The following ELP4 variants were observed in gnomAD, a reference collection of about 807,000 sequenced individuals.
ELP4 encodes the protein elongator acetyltransferase complex subunit 4.
ELP4 carries 51 observed loss-of-function variants against 48.9 expected under a neutral mutation model. The ratio of observed to expected loss-of-function variants is 1.04; its 90% CI spans 0.83 to 1.32. The LOEUF is 1.32. Among genes scored for constraint, ELP4 ranks in the 40% most tolerant of loss-of-function variants. The pLI is 0.00. For synonymous variants in ELP4, 210 were observed against 189.2 expected (o/e 1.11, Z -0.90); for missense variants, 519 against 514.6 (o/e 1.01, Z -0.08).
At chr11:31,719,789 A>G (rs1946921206) in intron 9 of ELP4, 1 of 253,264 alleles carries the variant, frequency 3.9e-6, no homozygotes, top group African/African-American at 2.2e-5. Context: ...GATGTCTGCA[A>G]CTTTCTTTGA....
At chr11:31,654,540 A>G (rs1945387423) in intron 9 of ELP4, 1 of 151,854 alleles carries the variant, frequency 6.6e-6, no homozygotes, top group Non-Finnish European at 1.5e-5. Flanking sequence ...TATTAAGACT[A>G]GAATAGAATC....
At chr11:31,731,848 T>G (rs1947195849) in intron 9 of ELP4, among the ~76,000 whole-genome samples, 1 of 151,814 alleles carries the variant, frequency 6.6e-6, no homozygotes, top group South Asian at 2.1e-4. Context: ...TTCATAAGAC[T>G]ATCGGTGGAT....
intron 9 of ELP4, among the ~76,000 whole-genome samples, chr11:31,704,925 C>T (rs1042490057): frequency 2.6e-5 from 4 of 151,358 alleles, no homozygotes; most frequent in Admixed American, 2.0e-4. Context: ...GCAGGAGAAT[C>T]GCTTGAACCT....
intron 9 of ELP4, among the ~76,000 whole-genome samples, chr11:31,687,254 T>C (rs919645673): frequency 3.9e-5 from 6 of 152,182 alleles, no homozygotes; most frequent in Admixed American, 3.9e-4. Context: ...GATCCAGAGA[T>C]GTATATTTGG....
chr11:31,659,970 C>T lies in ELP4; in HGVS notation c.1143+9749C>T, dbSNP rs538952137. 1.0e-3 allele frequency among the ~76,000 whole-genome samples: 159 copies of T among 152,186 alleles called. 1 individual carries two copies. Among genetic ancestry groups the T allele is most frequent in the African/African-American group, 3.3e-3 (137 of 41,554 alleles). On this transcript the variant is annotated intron_variant, in intron 9 of 9. Coordinates refer to ENST00000640961, the MANE Select transcript of ELP4 (RefSeq NM_019040.5). ...TCATGCCATTGCACTCCAGCCTGGG[C>T]AACAGTGCGAGACTCCATCTCAAAA...
At chr11:31,702,602 G>A (rs182849975) in intron 9 of ELP4, among the ~76,000 whole-genome samples, 119 of 152,062 alleles carry the variant, frequency 7.8e-4, no homozygotes, top group Admixed American at 2.1e-3. Flanking sequence ...AATCTGATTC[G>A]TAGTTTTTCA....
rs777212930 is a variant in ELP4 at position 31,588,589 on chromosome 11, A to T, written c.382-6181A>T. Among the ~76,000 whole-genome samples the T allele has an allele frequency of 3.9e-4, 59 of 152,250 alleles. 1 individual carries two copies. Among genetic ancestry groups the T allele is most frequent in the East Asian group, 1.7e-3 (9 of 5,190 alleles). On this transcript the variant is annotated intron_variant, in intron 3 of 9. Transcript: ENST00000640961. ...CGCGTTGTTTGAAATTGTTTTTTTT[A>T]AATTATTATTTTTTAAAAATTCCAG...
intron 9 of ELP4, among the ~76,000 whole-genome samples, chr11:31,758,940 A>G (rs899021165): frequency 6.6e-6 from 1 of 152,088 alleles, no homozygotes; most frequent in African/African-American, 2.4e-5. Context: ...TTTAATAGAA[A>G]ATTTTTAAAA....
At chr11:31,551,779 GT>G (rs1190852761) in intron 3 of ELP4, among the ~76,000 whole-genome samples, 5 of 152,028 alleles carry the variant, frequency 3.3e-5, no homozygotes, top group Non-Finnish European at 7.4e-5. Flanking sequence ...CAATTCTGCT[GT>G]TTTTTAAATA....
intron 3 of ELP4, among the ~76,000 whole-genome samples, chr11:31,549,635 G>A (rs1333100262): frequency 6.6e-6 from 1 of 151,988 alleles, no homozygotes; most frequent in African/African-American, 2.4e-5. Flanking sequence ...TCCCATTACT[G>A]GGTATATACC....
At chr11:31,709,498 G>A (rs150428486) in intron 9 of ELP4, among the ~76,000 whole-genome samples, 9 of 152,152 alleles carry the variant, frequency 5.9e-5, no homozygotes, top group South Asian at 4.2e-4. Flanking sequence ...ACCAAGTCTC[G>A]TAAAATATGA....
intron 6 of ELP4, among the ~76,000 whole-genome samples, chr11:31,630,466 C>T (rs1055691748): frequency 2.0e-5 from 3 of 151,542 alleles, no homozygotes; most frequent in African/African-American, 4.8e-5. Context: ...ATTGCTGGGA[C>T]TACAGGTGCG....
intron 2 of ELP4, among the ~76,000 whole-genome samples, chr11:31,530,699 C>T (rs752809612): frequency 2.6e-5 from 4 of 151,918 alleles, no homozygotes; most frequent in Admixed American, 6.6e-5. Flanking sequence ...ATTCCATTTC[C>T]GTTTTATAGT....
chr11:31,715,491 T>C (rs1051237909), intron 9 of ELP4, among the ~76,000 whole-genome samples: 12 of 152,210 alleles, frequency 7.9e-5, no homozygotes, highest in Non-Finnish European at 1.2e-4. Flanking sequence ...TCCAATGTGT[T>C]CATGTTACAG....
chr11:31,660,915 T>A (rs1945541752), intron 9 of ELP4, among the ~76,000 whole-genome samples: 1 of 152,094 alleles, frequency 6.6e-6, no homozygotes, highest in Non-Finnish European at 1.5e-5. Context: ...TTAGTAATGA[T>A]CTATTCTGAA....
At chr11:31,612,630 G>C (rs1051919481) in intron 5 of ELP4, among the ~76,000 whole-genome samples, 1 of 152,196 alleles carries the variant, frequency 6.6e-6, no homozygotes, top group South Asian at 2.1e-4. Context: ...TAAGGAGAAA[G>C]AGAAGGGGCA....
At chr11:31,747,937 G>A (rs191274080) in intron 9 of ELP4, among the ~76,000 whole-genome samples, 81 of 152,270 alleles carry the variant, frequency 5.3e-4, no homozygotes, top group Middle Eastern at 3.4e-3. Flanking sequence ...AGTGTTTAGT[G>A]CCAAACAACT....
At chr11:31,581,507 G>A (rs946057304) in intron 3 of ELP4, among the ~76,000 whole-genome samples, 3 of 150,138 alleles carry the variant, frequency 2.0e-5, no homozygotes, top group African/African-American at 7.3e-5. Context: ...GTCCATTGTT[G>A]CTGTTATAAA....
chr11:31,665,443 A>G (rs1347851958), intron 9 of ELP4, among the ~76,000 whole-genome samples: 4 of 152,184 alleles, frequency 2.6e-5, no homozygotes, highest in East Asian at 1.9e-4. Flanking sequence ...AAAACTTTCT[A>G]CCATTACAAG....
Sources: gnomAD v4.1 joint callset for allele counts (sites outside exome capture counted in the v4.1 genomes callset) on GRCh38, gnomAD v4.1.1 for gene constraint, MANE v1.5 for transcripts, NCBI Gene and HGNC (gene_info 2026-07-23, HGNC 2026-07-21) for gene names.